Variants in ZNF148 observed in about 807,000 individuals in gnomAD.
ZNF148 encodes the protein Beta-Enolase Repressor Factor-1.
Under a neutral mutation model 67.7 loss-of-function variants are expected in ZNF148, and 7 were observed. That is an observed-to-expected ratio of 0.10 (90% CI 0.06 to 0.19). The LOEUF (loss-of-function observed/expected upper bound fraction) is 0.19, where lower values mean the gene tolerates loss of function less well. ZNF148 is among the 10% of genes least tolerant of loss of function. The pLI, the probability that ZNF148 is intolerant of heterozygous loss-of-function variation, is 1.00. For synonymous variants in ZNF148, 333 were observed against 330.7 expected (o/e 1.01, Z -0.08); for missense variants, 583 against 947.1 (o/e 0.62, Z 5.05).
intron 7 of ZNF148, among the ~76,000 whole-genome samples, chr3:125,256,512 A>T (rs1350314344): frequency 6.6e-6 from 1 of 151,416 alleles, no homozygotes; most frequent in Non-Finnish European, 1.5e-5. Context: ...CCCCATCTCT[A>T]TAAAAATACA....
intron 5 of ZNF148, among the ~76,000 whole-genome samples, chr3:125,279,493 C>T (rs897236084): frequency 7.2e-5 from 11 of 152,194 alleles, no homozygotes; most frequent in East Asian, 1.9e-4. Flanking sequence ...GATCTCATCA[C>T]GGCCTTCTCC....
intron 3 of ZNF148, among the ~76,000 whole-genome samples, 195 bp downstream of exon 3, chr3:125,323,114 T>C (rs1191589164): frequency 1.3e-5 from 2 of 152,140 alleles, no homozygotes; most frequent in Non-Finnish European, 2.9e-5. Flanking sequence ...TGTGTTAGAG[T>C]CTAAAATGAC....
intron 1 of ZNF148, among the ~76,000 whole-genome samples, chr3:125,350,655 T>A (rs750025618): frequency 1.4e-4 from 22 of 152,210 alleles, no homozygotes; most frequent in Non-Finnish European, 2.6e-4. Context: ...ATTCCTCACC[T>A]GCGCCGTTAA....
chr3:125,274,820 T>C (rs2107600407), intron 7 of ZNF148, among the ~76,000 whole-genome samples: 1 of 152,264 alleles, frequency 6.6e-6, no homozygotes, highest in African/African-American at 2.4e-5. Context: ...GTCGGTTAGG[T>C]GACTCATTAC....
At chr3:125,239,496 C>A (rs1231674602) in intron 7 of ZNF148, among the ~76,000 whole-genome samples, 2 of 152,144 alleles carry the variant, frequency 1.3e-5, no homozygotes, top group Admixed American at 1.3e-4. Flanking sequence ...CCACTTCACA[C>A]CCACGAGGAT....
chr3:125,287,405 G>A (rs1042434152), intron 5 of ZNF148, among the ~76,000 whole-genome samples: 1 of 152,190 alleles, frequency 6.6e-6, no homozygotes, highest in South Asian at 2.1e-4. Flanking sequence ...TTGGGAGGCT[G>A]AAGTGGGAGG....
chr3:125,319,550 A>T (rs957868245), intron 3 of ZNF148, among the ~76,000 whole-genome samples: 23 of 152,182 alleles, frequency 1.5e-4, no homozygotes, highest in African/African-American at 5.5e-4. Context: ...TTGTAATGGG[A>T]GTTTTATACA....
intron 1 of ZNF148, among the ~76,000 whole-genome samples, chr3:125,366,076 A>G (rs930434002): frequency 1.2e-4 from 18 of 152,172 alleles, no homozygotes; most frequent in African/African-American, 4.1e-4. Flanking sequence ...TATCTAATAT[A>G]CGGTCCTTGG....
At chr3:125,280,840 T>C (rs1264875660) in intron 5 of ZNF148, among the ~76,000 whole-genome samples, 1 of 147,700 alleles carries the variant, frequency 6.8e-6, no homozygotes, top group East Asian at 2.0e-4. Flanking sequence ...GTATGGCCAG[T>C]GAGAGGGAAA....
At position 125,362,723 on chromosome 3, in the gene ZNF148, TTTG is replaced by T. The variant is rs374403371; in HGVS notation, c.-234+12376_-234+12378del. Among the ~76,000 whole-genome samples the T allele has an allele frequency of 2.4e-4, 36 of 151,896 alleles. No homozygotes were observed. In the East Asian group the frequency reaches 6.6e-3, roughly 28 times the overall value. On this transcript the variant is annotated intron_variant, in intron 1 of 8. Transcript: ENST00000360647. ...GTGCGCGCCACCACACCCAGCAAAG[TTTG>T]TTATCTTTGGTAGAGATGAGGTTTC... is the stretch of plus-strand genomic sequence containing the variant.
chr3:125,315,930 T>C (rs371489593), intron 3 of ZNF148, among the ~76,000 whole-genome samples: 1 of 152,180 alleles, frequency 6.6e-6, no homozygotes, highest in African/African-American at 2.4e-5. Flanking sequence ...GTCATCCTAT[T>C]GTGCTATCAA....
intron 2 of ZNF148, among the ~76,000 whole-genome samples, chr3:125,330,449 G>A (rs1291130799): frequency 7.7e-6 from 1 of 130,226 alleles, no homozygotes; most frequent in Non-Finnish European, 1.5e-5. Context: ...CTGGGCAACA[G>A]GGCAAAACCC....
intron 2 of ZNF148, among the ~76,000 whole-genome samples, chr3:125,328,994 T>A (rs1248257422): frequency 1.6e-5 from 1 of 62,504 alleles, no homozygotes; most frequent in Non-Finnish European, 3.2e-5. Flanking sequence ...GAATTTATAC[T>A]ACTGATATAT....
intron 1 of ZNF148, among the ~76,000 whole-genome samples, chr3:125,348,645 G>C (rs1204499329): frequency 2.6e-5 from 4 of 152,152 alleles, no homozygotes; most frequent in Non-Finnish European, 5.9e-5. Context: ...TCATGGATTA[G>C]AAGACTTAAT....
chr3:125,348,929 C>T lies in ZNF148; in HGVS notation c.-233-17691G>A, dbSNP rs150513411. Among the ~76,000 whole-genome samples, 27 of 152,146 alleles carry T rather than the reference C, an allele frequency of 1.8e-4. No individual in the cohort carries two copies. In the East Asian group the frequency reaches 5.0e-3, roughly 28 times the overall value. On this transcript the variant is annotated intron_variant, in intron 1 of 8. Coordinates refer to ENST00000360647, the MANE Select transcript of ZNF148 (RefSeq NM_021964.3). ...CAGAACAGAAAGCCCAGAAATAAAC[C>T]CAGGCATACAGAGGCAACTGATCTT...
intron 4 of ZNF148, among the ~76,000 whole-genome samples, chr3:125,292,088 T>C (rs1939048028): frequency 6.6e-6 from 1 of 152,194 alleles, no homozygotes; most frequent in African/African-American, 2.4e-5. Context: ...AAGATAGAAC[T>C]GCAAGAACAG....
intron 7 of ZNF148, among the ~76,000 whole-genome samples, chr3:125,253,737 T>A (rs35923292): frequency 6.6e-6 from 1 of 152,224 alleles, no homozygotes; most frequent in Non-Finnish European, 1.5e-5. Context: ...GATATGTGAA[T>A]ATTAAGCCAG....
chr3:125,280,758 C>CAAAAAAAAAAAAAAAA (rs1299591282), intron 5 of ZNF148, among the ~76,000 whole-genome samples: 1 of 93,510 alleles, frequency 1.1e-5, no homozygotes, highest in African/African-American at 3.9e-5. Context: ...TTGACGAAAG[C>CAAAAAAAAAAAAAAAA]AAAAAAAAAA....
intron 7 of ZNF148, among the ~76,000 whole-genome samples, chr3:125,271,619 G>A (rs566052627): frequency 6.6e-6 from 1 of 152,258 alleles, no homozygotes; most frequent in East Asian, 1.9e-4. Context: ...TAATCATTTT[G>A]AACCTTATCT....
Sources: allele counts gnomAD v4.1 joint callset (sites outside exome capture counted in the v4.1 genomes callset), GRCh38; gene constraint gnomAD v4.1.1; transcripts MANE v1.5; gene names NCBI Gene and HGNC (gene_info 2026-07-23, HGNC 2026-07-21).